CDK6: variants seen among roughly 807,000 people sequenced by gnomAD.
The protein encoded by CDK6 is cyclin-dependent kinase 6.
Under a neutral mutation model 37.1 loss-of-function variants are expected in CDK6, and 6 were observed. That is an observed-to-expected ratio of 0.16 (90% confidence interval 0.09 to 0.32). The LOEUF is 0.32. CDK6 is among the 10% of genes least tolerant of loss of function. CDK6 has a pLI of 1.00. For synonymous variants in CDK6, 160 were observed against 161.3 expected (o/e 0.99, Z 0.06); for missense variants, 224 against 418.9 (o/e 0.53, Z 4.06).
At chr7:92,642,372 T>A (rs879438922) in intron 5 of CDK6, among the ~76,000 whole-genome samples, 4 of 152,164 alleles carry the variant, frequency 2.6e-5, no homozygotes, top group Admixed American at 2.6e-4. Flanking sequence ...AGTCATCACT[T>A]CACTATTGAG....
Position 92,609,576 on chromosome 7 carries a change from G to A in CDK6, c.*5564C>T, listed in dbSNP as rs1795516376. The A allele has an allele frequency of 4.3e-6, 1 of 230,032 alleles. No homozygotes were observed. Among genetic ancestry groups the A allele is most frequent in the African/African-American group, 2.2e-5 (1 of 45,094 alleles). 14.2% of individuals were successfully genotyped at this position (230,032 alleles called of 1,614,324 possible). ...GTTTTGTCTACTGAATTACTGATGT[G>A]CTACTCATTTTGCTCACCTGATCTT... On this transcript the variant is annotated 3_prime_UTR_variant, in exon 8 of 8. Transcript: ENST00000424848.
At chr7:92,735,822 GTCTT>G (rs1798771795) in intron 3 of CDK6, among the ~76,000 whole-genome samples, 1 of 152,090 alleles carries the variant, frequency 6.6e-6, no homozygotes, top group Non-Finnish European at 1.5e-5. Flanking sequence ...TGATTCCTGA[GTCTT>G]TCTTTAGCAA....
chr7:92,748,854 A>C (rs749012091), intron 3 of CDK6, among the ~76,000 whole-genome samples: 1 of 152,144 alleles, frequency 6.6e-6, no homozygotes, highest in Non-Finnish European at 1.5e-5. Flanking sequence ...AGAATTAATG[A>C]ATGTGATTTT....
At chr7:92,671,778 A>G (rs1797075979) in intron 4 of CDK6, among the ~76,000 whole-genome samples, 1 of 152,148 alleles carries the variant, frequency 6.6e-6, no homozygotes, top group African/African-American at 2.4e-5. Flanking sequence ...GCATAATAAC[A>G]TGAGTTTCAG....
intron 3 of CDK6, among the ~76,000 whole-genome samples, chr7:92,731,459 T>C (rs1476597718): frequency 6.6e-6 from 1 of 152,204 alleles, no homozygotes; most frequent in Non-Finnish European, 1.5e-5. Context: ...CAGCAAAGCA[T>C]AGTCCAGCAA....
intron 4 of CDK6, among the ~76,000 whole-genome samples, chr7:92,679,846 C>T (rs1797292163): frequency 2.0e-5 from 3 of 151,692 alleles, no homozygotes; most frequent in Non-Finnish European, 2.9e-5. Context: ...TCAGCTTCCC[C>T]AGTAGTTGGG....
At chr7:92,805,489 A>G (rs1009129648) in intron 2 of CDK6, among the ~76,000 whole-genome samples, 1 of 152,190 alleles carries the variant, frequency 6.6e-6, no homozygotes. Flanking sequence ...GTCAAGACTG[A>G]TAATGTTCAT....
intron 4 of CDK6, among the ~76,000 whole-genome samples, chr7:92,703,476 A>G (rs1039753391): frequency 2.6e-5 from 4 of 152,270 alleles, no homozygotes; most frequent in Non-Finnish European, 4.4e-5. Context: ...AGGTAAAAAT[A>G]CATTTCAAAT....
chr7:92,821,423 A>T (rs1304359631), intron 2 of CDK6, among the ~76,000 whole-genome samples: 2 of 152,140 alleles, frequency 1.3e-5, no homozygotes, highest in Non-Finnish European at 2.9e-5. Flanking sequence ...TGAATATAAG[A>T]TAATGGTTGT....
chr7:92,823,996 A>T (rs1801246485), intron 2 of CDK6, among the ~76,000 whole-genome samples: 1 of 152,004 alleles, frequency 6.6e-6, no homozygotes, highest in Admixed American at 6.6e-5. Flanking sequence ...CTGCTGCTGG[A>T]AAGGTGTGAG....
intron 5 of CDK6, among the ~76,000 whole-genome samples, chr7:92,667,851 C>T (rs1796992963): frequency 6.6e-6 from 1 of 152,016 alleles, no homozygotes; most frequent in South Asian, 2.1e-4. Flanking sequence ...TGCACCCGGC[C>T]AAAAAATTTA....
At chr7:92,735,301 A>G (rs1476382235) in intron 3 of CDK6, among the ~76,000 whole-genome samples, 1 of 152,062 alleles carries the variant, frequency 6.6e-6, no homozygotes, top group Admixed American at 6.6e-5. Context: ...AATCGGGGGT[A>G]TATGTGCAGG....
chr7:92,817,037 A>G (rs1801047992), intron 2 of CDK6, among the ~76,000 whole-genome samples: 1 of 152,038 alleles, frequency 6.6e-6, no homozygotes, highest in South Asian at 2.1e-4. Flanking sequence ...TTAAGAAAAT[A>G]TAATTTGTAG....
chr7:92,808,270 G>T (rs1584109156), intron 2 of CDK6, among the ~76,000 whole-genome samples: 2 of 152,326 alleles, frequency 1.3e-5, no homozygotes, highest in East Asian at 3.9e-4. Flanking sequence ...AGCATCAGAA[G>T]CCTGCAGTCT....
intron 5 of CDK6, among the ~76,000 whole-genome samples, chr7:92,665,419 G>A (rs1393935344): frequency 6.6e-6 from 1 of 152,010 alleles, no homozygotes; most frequent in African/African-American, 2.4e-5. Context: ...TCTGGATGAA[G>A]AATTAAAGGA....
At chr7:92,694,942 T>C (rs1797674657) in intron 4 of CDK6, among the ~76,000 whole-genome samples, 1 of 152,218 alleles carries the variant, frequency 6.6e-6, no homozygotes, top group East Asian at 1.9e-4. Flanking sequence ...GAGAAAAAGA[T>C]GATCTCAAAT....
chr7:92,749,412 T>C (rs1324566385), intron 3 of CDK6, among the ~76,000 whole-genome samples: 1 of 152,090 alleles, frequency 6.6e-6, no homozygotes, highest in Non-Finnish European at 1.5e-5. Context: ...TGCAGTGAGC[T>C]ATGATCTCAC....
rs1295984609 is a variant in CDK6 at position 92,829,481 on chromosome 7, T to C, written c.233+3610A>G. The stretch of plus-strand genomic sequence containing the variant: ...CTATCATGTATCAGGGTTATGGTGA[T>C]CATCTTATTCCTTCAAACATGGGAA... On this transcript the variant is annotated intron_variant, in intron 2 of 7. Transcript: ENST00000424848. Among the ~76,000 whole-genome samples the C allele has an allele frequency of 2.6e-5, 4 of 152,220 alleles. No individual in the cohort carries two copies. In the East Asian group the frequency reaches 7.7e-4, roughly 29 times the overall value.
intron 4 of CDK6, among the ~76,000 whole-genome samples, chr7:92,723,711 C>T (rs1798420238): frequency 6.6e-6 from 1 of 152,020 alleles, no homozygotes; most frequent in African/African-American, 2.4e-5. Flanking sequence ...TTCTCAGCTG[C>T]TAACATGTTT....
Sources: gnomAD v4.1 joint callset for allele counts (sites outside exome capture counted in the v4.1 genomes callset) on GRCh38, gnomAD v4.1.1 for gene constraint, MANE v1.5 for transcripts, NCBI Gene and HGNC (gene_info 2026-07-23, HGNC 2026-07-21) for gene names.